Variants in NXN observed in about 807,000 individuals in gnomAD.
NXN encodes the protein nucleoredoxin 1.
In NXN, 16 loss-of-function variants were observed where a neutral mutation model predicts 48.6. The ratio of observed to expected loss-of-function variants is 0.33; its 90% CI spans 0.22 to 0.50. NXN has a LOEUF of 0.50. Among genes scored for constraint, NXN ranks in the 20% least tolerant of loss-of-function variants. The pLI is 0.98. For missense variants in NXN, 492 were observed against 605.5 expected (o/e 0.81, Z 1.97); for synonymous variants, 281 against 269.6 (o/e 1.04, Z -0.41).
rs112118561 is a variant in NXN, at chr17:919,641, C to A, written c.360+59678G>T. Among the ~76,000 whole-genome samples the A allele has an allele frequency of 7.2e-5, 11 of 152,070 alleles. No individual in the cohort carries two copies. The highest frequency in any genetic ancestry group is 1.6e-4 in the Non-Finnish European group (11 of 68,016). On this transcript the variant is annotated intron_variant, in intron 1 of 7. Coordinates refer to ENST00000336868, the MANE Select transcript of NXN (RefSeq NM_022463.5). This position sits in a 1 kb window ranked among gnomAD's most constrained non-coding sequence, Gnocchi z 5.1. The stretch of plus-strand genomic sequence containing the variant: ...ATTCGTCCCACGCGGCCCTCAGACA[C>A]GGGCTCTGGTTCAAGGTGGGAGACA...
chr17:947,881 T>C (rs990693671), intron 1 of NXN, among the ~76,000 whole-genome samples: 2 of 37,302 alleles, frequency 5.4e-5, no homozygotes, highest in Non-Finnish European at 2.0e-4. Flanking sequence ...TCTACTGAAA[T>C]ACAAAAAAAA....
intron 7 of NXN, 126 bp downstream of exon 7, chr17:803,556 G>T: frequency 8.5e-7 from 1 of 1,170,186 alleles, no homozygotes; most frequent in Non-Finnish European, 1.2e-6. Context: ...TTGTCTGTGG[G>T]CTCTCTCAGA....
intron 1 of NXN, among the ~76,000 whole-genome samples, chr17:882,278 C>T (rs1259615423): frequency 2.0e-5 from 3 of 151,930 alleles, no homozygotes; most frequent in Non-Finnish European, 4.4e-5. Flanking sequence ...GCCATGGTTC[C>T]CTGTCTCCAT....
At chr17:939,759 T>C (rs1256576603) in intron 1 of NXN, among the ~76,000 whole-genome samples, 1 of 152,220 alleles carries the variant, frequency 6.6e-6, no homozygotes, top group Admixed American at 6.5e-5. Context: ...GGCTGCCTTG[T>C]GATGTCGGAA....
chr17:826,145 C>A, intron 1 of NXN, 67 bp from the exon 2 acceptor site: 1 of 1,025,498 alleles, frequency 9.8e-7, no homozygotes, highest in East Asian at 2.4e-5. Flanking sequence ...TTCTTTTGAG[C>A]CCCTTAGGTC....
intron 1 of NXN, among the ~76,000 whole-genome samples, chr17:950,844 A>T (rs2069100943): frequency 6.6e-6 from 1 of 151,940 alleles, no homozygotes; most frequent in Non-Finnish European, 1.5e-5. Context: ...GTTTGGCACA[A>T]AGAAGACCAA....
chr17:880,898 C>T (rs1271555481), intron 1 of NXN, among the ~76,000 whole-genome samples: 3 of 152,254 alleles, frequency 2.0e-5, no homozygotes, highest in East Asian at 1.9e-4. Context: ...AGGCCTCCTC[C>T]GAAAATCCCA....
At chr17:943,606 G>A (rs1004422656) in intron 1 of NXN, among the ~76,000 whole-genome samples, 5 of 152,100 alleles carry the variant, frequency 3.3e-5, no homozygotes, top group Non-Finnish European at 5.9e-5. Context: ...CGGATCACTT[G>A]AGGCCAGGAG....
chr17:974,813 T>TTTTATTTATTTA (rs34003449), intron 1 of NXN, among the ~76,000 whole-genome samples: 2 of 150,250 alleles, frequency 1.3e-5, no homozygotes, highest in East Asian at 1.9e-4. Context: ...ATTACTTTAT[T>TTTTATTTATTTA]TTTATTTATT....
intron 1 of NXN, among the ~76,000 whole-genome samples, chr17:949,970 G>A (rs1238962739): frequency 6.6e-6 from 1 of 152,104 alleles, no homozygotes; most frequent in Non-Finnish European, 1.5e-5. Flanking sequence ...TTAGCCCCAG[G>A]TCCTGGTCCT....
At chr17:929,003 A>G (rs1438889217) in intron 1 of NXN, among the ~76,000 whole-genome samples, 1 of 152,254 alleles carries the variant, frequency 6.6e-6, no homozygotes, top group Non-Finnish European at 1.5e-5. Context: ...ATTCCCACAG[A>G]GTAAAGCCGA....
chr17:825,649 G>C lies in NXN; in HGVS notation c.478+312C>G. The stretch of plus-strand genomic sequence containing the variant: ...CAGCCGCCACGGATGCAGCACTAGA[G>C]GCCGGGGTCTGAGCTCTCCGCTTTC... On this transcript the variant is annotated intron_variant, in intron 2 of 7. Coordinates refer to ENST00000336868, the MANE Select transcript of NXN (RefSeq NM_022463.5). The surrounding 1 kb of genome is among the most constrained non-coding windows in gnomAD (Gnocchi z 4.1). 1 of 271,776 alleles carries C rather than the reference G, an allele frequency of 3.7e-6. No homozygotes were observed. The highest frequency in any genetic ancestry group is 6.9e-6 in the Non-Finnish European group (1 of 144,468). 16.8% of individuals were successfully genotyped at this position (271,776 alleles called of 1,614,324 possible).
At chr17:939,722 C>T (rs781617713) in intron 1 of NXN, among the ~76,000 whole-genome samples, 4 of 152,204 alleles carry the variant, frequency 2.6e-5, no homozygotes, top group Non-Finnish European at 4.4e-5. Flanking sequence ...AAGACACACA[C>T]GTACGTGCCT....
At chr17:814,027 A>T (rs767162928) in intron 5 of NXN, among the ~76,000 whole-genome samples, 1 of 151,934 alleles carries the variant, frequency 6.6e-6, no homozygotes, top group African/African-American at 2.4e-5. Flanking sequence ...TTGGGAGGCC[A>T]AGGCAGGCAG....
At chr17:951,042 A>G (rs2069103143) in intron 1 of NXN, among the ~76,000 whole-genome samples, 1 of 152,052 alleles carries the variant, frequency 6.6e-6, no homozygotes, top group Admixed American at 6.6e-5. Context: ...TCCGCATTAT[A>G]AAAAGCACTT....
chr17:822,432 C>T lies in NXN; in HGVS notation c.638G>A (p.Arg213Gln), dbSNP rs1013992060. 5 of 1,613,932 alleles carry T rather than the reference C, an allele frequency of 3.1e-6. No homozygotes were observed. Among genetic ancestry groups the T allele is most frequent in the East Asian group, 2.2e-5 (1 of 44,888 alleles). Residue 213 changes from arginine to glutamine, a missense_variant, in exon 4 of 8, where the codon CGG becomes CAG. Arg to Gln is a conservative substitution (Grantham distance 43). Coordinates refer to ENST00000336868, the MANE Select transcript of NXN (RefSeq NM_022463.5). ...CTTCCGGTAGGATTCCACCAGGACCCGGGTGAGGCTTCGGCAGGGCGGACA... is the reference window on the plus strand; with the variant it reads ...CTTCCGGTAGGATTCCACCAGGACCTGGGTGAGGCTTCGGCAGGGCGGACA... ...HWCPPCRSLT[R>Q]VLVESYRKIK...
intron 1 of NXN, among the ~76,000 whole-genome samples, chr17:881,179 T>C (rs2068279824): frequency 6.6e-6 from 1 of 152,230 alleles, no homozygotes. Flanking sequence ...ACACCCACAG[T>C]ATCAAACCCG....
chr17:816,321 C>A (rs551074897), intron 5 of NXN, among the ~76,000 whole-genome samples: 98 of 145,872 alleles, frequency 6.7e-4, no homozygotes, highest in Non-Finnish European at 1.2e-3. Flanking sequence ...ATGCTTACAG[C>A]CCCCCAGACC....
chr17:867,662 T>A lies in NXN; in HGVS notation c.361-41584A>T, dbSNP rs529408708. Among the ~76,000 whole-genome samples, 37 of 152,236 alleles carry A rather than the reference T, an allele frequency of 2.4e-4. No individual in the cohort carries two copies. The East Asian group carries it at 6.6e-3, about 27-fold the overall frequency. On this transcript the variant is annotated intron_variant, in intron 1 of 7. Transcript: ENST00000336868. ...TCTAAACAGGCCAGCGTGGTGGCTCTTCCCTGTAATCCCAGCACTTTGGGA... is the reference window on the plus strand; with the variant it reads ...TCTAAACAGGCCAGCGTGGTGGCTCATCCCTGTAATCCCAGCACTTTGGGA...
Sources: gnomAD v4.1 joint callset for allele counts (sites outside exome capture counted in the v4.1 genomes callset) on GRCh38, gnomAD v4.1.1 for gene constraint, Gnocchi (gnomAD v3.1) non-coding constraint, MANE v1.5 for transcripts, NCBI Gene and HGNC (gene_info 2026-07-23, HGNC 2026-07-21) for gene names.